SFMBT1: variants seen among roughly 807,000 people sequenced by gnomAD.
SFMBT1 encodes scm-like with four MBT domains protein 1.
In SFMBT1, 32 loss-of-function variants were observed where a neutral mutation model predicts 108.7. That is an observed-to-expected ratio of 0.29 (90% CI 0.22 to 0.40). The LOEUF is 0.40. SFMBT1 is among the 10% of genes least tolerant of loss of function. The pLI, the probability that SFMBT1 is intolerant of heterozygous loss-of-function variation, is 1.00. For missense variants in SFMBT1, 816 were observed against 1,059.6 expected (o/e 0.77, Z 3.19); for synonymous variants, 348 against 369.5 (o/e 0.94, Z 0.67).
In SFMBT1 at chr3:52,906,127, T is replaced by C; in HGVS notation, c.2446A>G (p.Ile816Val). 1 of 1,614,132 alleles carries C rather than the reference T, an allele frequency of 6.2e-7. No individual in the cohort carries two copies. The change falls in exon 20 of 21, where the codon ATA becomes GTA. Residue 816 changes from isoleucine to valine, a missense_variant. Ile to Val is a conservative substitution (Grantham distance 29). Coordinates refer to ENST00000394752, the MANE Select transcript of SFMBT1 (RefSeq NM_016329.4). ...RSTDCAPLAR[I>V]FLDQEIDGQA... ...TCTGTGATTACCTGGTCTAGGAATA[T>C]TCTTGCTAATGGAGCACAGTCAGTG... is the stretch of plus-strand genomic sequence containing the variant.
At chr3:52,908,470 T>C (rs1702132656) in intron 17 of SFMBT1, among the ~76,000 whole-genome samples, 1 of 152,228 alleles carries the variant, frequency 6.6e-6, no homozygotes, top group Admixed American at 6.5e-5. Flanking sequence ...CCAGTGCTAT[T>C]TGTTAAAAAG....
At chr3:52,989,039 T>A (rs1467769805) in intron 1 of SFMBT1, among the ~76,000 whole-genome samples, 1 of 152,176 alleles carries the variant, frequency 6.6e-6, no homozygotes, top group East Asian at 1.9e-4. Flanking sequence ...TATATAGAAA[T>A]TTTTGGTTAA....
In SFMBT1 at chr3:52,932,384, T is replaced by G. The variant is rs917214695; in HGVS notation, c.454-76A>C. 2.1e-6 allele frequency: 3 copies of G among 1,446,142 alleles called. No individual in the cohort carries two copies. The Admixed American group carries it at 7.1e-5, about 34-fold the overall frequency. The allele number at this position is 1,446,142 out of a possible 1,614,324, so 89.6% of individuals were successfully genotyped here. ...TTTTGAAAAGCCAACTTATAAATGA[T>G]CTCAAACCAGCCTTTGTATTTTTTA... On this transcript the variant is annotated intron_variant, in intron 5 of 20. Transcript: ENST00000394752.
At chr3:52,924,731 G>A (rs1702609933) in intron 10 of SFMBT1, among the ~76,000 whole-genome samples, 1 of 152,138 alleles carries the variant, frequency 6.6e-6, no homozygotes, top group African/African-American at 2.4e-5. Context: ...AACCCATCCA[G>A]ACAGAGAGTG....
chr3:52,908,685 C>T (rs181774226), intron 17 of SFMBT1, among the ~76,000 whole-genome samples: 2 of 152,284 alleles, frequency 1.3e-5, no homozygotes, highest in Admixed American at 1.3e-4. Context: ...TCTCCTGCCT[C>T]AGCCTCCTGA....
intron 1 of SFMBT1, among the ~76,000 whole-genome samples, chr3:53,044,678 G>A (rs1029357992): frequency 1.3e-5 from 2 of 152,208 alleles, no homozygotes; most frequent in African/African-American, 4.8e-5. Flanking sequence ...GACATACGCA[G>A]GGATTGACAA....
intron 1 of SFMBT1, among the ~76,000 whole-genome samples, chr3:53,039,561 T>A (rs1355775649): frequency 6.6e-6 from 1 of 152,186 alleles, no homozygotes; most frequent in African/African-American, 2.4e-5. Context: ...CACAACAATG[T>A]CAATGTACTT....
chr3:53,028,884 T>C (rs974306552), intron 1 of SFMBT1, among the ~76,000 whole-genome samples: 1 of 152,076 alleles, frequency 6.6e-6, no homozygotes, highest in African/African-American at 2.4e-5. Context: ...ACAAGAGTTA[T>C]GGGCTAGGCC....
At chr3:52,972,744 AACACACACACACACACACACAC>A (rs55859723) in intron 1 of SFMBT1, among the ~76,000 whole-genome samples, 2 of 95,090 alleles carry the variant, frequency 2.1e-5, no homozygotes, top group Non-Finnish European at 4.1e-5. Flanking sequence ...ATCTCTACTA[AACACACACACACACACACACAC>A]ACACACACAC....
chr3:52,932,343 G>T, intron 5 of SFMBT1, 35 bp from the exon 6 acceptor site: 1 of 1,581,994 alleles, frequency 6.3e-7, no homozygotes, highest in Non-Finnish European at 8.6e-7. Flanking sequence ...CCCAGTAAGA[G>T]AAATTAACAT....
chr3:52,990,061 T>A (rs1284797792), intron 1 of SFMBT1, among the ~76,000 whole-genome samples: 2 of 152,136 alleles, frequency 1.3e-5, no homozygotes, highest in Non-Finnish European at 2.9e-5. Context: ...CTTTTAGGAT[T>A]TTTCTTGGGA....
chr3:52,996,142 A>AT (rs1698322622), intron 1 of SFMBT1, among the ~76,000 whole-genome samples: 1 of 148,170 alleles, frequency 6.7e-6, no homozygotes, highest in Admixed American at 6.9e-5. Context: ...TTAAAAAGAA[A>AT]TTTTTTTGCA....
At chr3:53,027,198 T>A (rs1699523770) in intron 1 of SFMBT1, among the ~76,000 whole-genome samples, 1 of 152,194 alleles carries the variant, frequency 6.6e-6, no homozygotes, top group Non-Finnish European at 1.5e-5. Flanking sequence ...AATAATACAA[T>A]ATAGAAGTAT....
intron 3 of SFMBT1, among the ~76,000 whole-genome samples, chr3:52,951,672 A>G (rs1210961744): frequency 6.6e-6 from 1 of 152,142 alleles, no homozygotes. Context: ...GAATTAAATG[A>G]ATAGGTTGGG....
intron 1 of SFMBT1, among the ~76,000 whole-genome samples, chr3:53,009,728 A>G (rs947482646): frequency 2.6e-5 from 4 of 152,362 alleles, no homozygotes; most frequent in South Asian, 4.1e-4. Flanking sequence ...GCTGACCAGA[A>G]GCCTTACTGA....
chr3:52,971,899 C>T (rs116248531), intron 1 of SFMBT1, among the ~76,000 whole-genome samples: 2 of 152,110 alleles, frequency 1.3e-5, no homozygotes, highest in Non-Finnish European at 2.9e-5. Flanking sequence ...AGCATGCAAA[C>T]CAACAGAATA....
intron 2 of SFMBT1, among the ~76,000 whole-genome samples, chr3:52,966,884 G>A (rs1457237437): frequency 6.7e-6 from 1 of 149,280 alleles, no homozygotes; most frequent in East Asian, 1.9e-4. Context: ...ATAAAAGAGG[G>A]TAAAGAGAAG....
At chr3:52,979,655 G>A (rs1459707177) in intron 1 of SFMBT1, among the ~76,000 whole-genome samples, 4 of 152,178 alleles carry the variant, frequency 2.6e-5, no homozygotes, top group Non-Finnish European at 4.4e-5. Flanking sequence ...GCTTAAATTA[G>A]TATTGCCATT....
chr3:52,995,366 T>C lies in SFMBT1; in HGVS notation c.-130-26108A>G, dbSNP rs544468842. On this transcript the variant is annotated intron_variant, in intron 1 of 20. Transcript: ENST00000394752. ...ATCCAGAAAAAGAAAATAGAAAATC[T>C]TTCTGAGCTTGGACTGGCAAAGAAT... Among the ~76,000 whole-genome samples the C allele has an allele frequency of 9.3e-5, 14 of 150,404 alleles. No individual in the cohort carries two copies. In the East Asian group the frequency reaches 1.8e-3, roughly 19 times the overall value.
Sources: allele counts gnomAD v4.1 joint callset (sites outside exome capture counted in the v4.1 genomes callset), GRCh38; gene constraint gnomAD v4.1.1; transcripts MANE v1.5; gene names NCBI Gene and HGNC (gene_info 2026-07-23, HGNC 2026-07-21).